Variants in TEAD4 observed in about 807,000 individuals in gnomAD.
TEAD4 encodes transcriptional enhancer factor TEF-3.
In TEAD4, 36 loss-of-function variants were observed where a neutral mutation model predicts 52.4. The observed-to-expected ratio is 0.69, with a 90% CI of 0.53 to 0.91. The LOEUF is 0.91. Ranked by LOEUF, TEAD4 falls within the 40% of genes least tolerant of loss-of-function variation. The probability of loss-of-function intolerance (pLI) is 0.00; values close to 1 mark genes in which losing one functional copy is unlikely to be tolerated. For synonymous variants in TEAD4, 220 were observed against 231.0 expected (o/e 0.95, Z 0.43); for missense variants, 508 against 583.9 (o/e 0.87, Z 1.34).
chr12:2,974,301 C>T (rs771616353), intron 2 of TEAD4, among the ~76,000 whole-genome samples: 10 of 152,228 alleles, frequency 6.6e-5, no homozygotes, highest in Non-Finnish European at 1.5e-4. Flanking sequence ...CCGTGCCCGG[C>T]CAGCTTTGAG....
rs968238558 is a variant in TEAD4 at position 2,977,893 on chromosome 12, C to T, written c.-29-16845C>T. ...CTGAGAAGGGCCCTTTTTTGGCCTC[C>T]GGCAGGCCCTGGCCCTTCCGAAATC... On this transcript the variant is annotated intron_variant, in intron 2 of 12. Coordinates refer to ENST00000359864, the MANE Select transcript of TEAD4 (RefSeq NM_003213.4). 8.5e-5 allele frequency among the ~76,000 whole-genome samples: 13 copies of T among 152,156 alleles called. No homozygotes were observed. The East Asian group carries it at 2.3e-3, about 27-fold the overall frequency.
intron 3 of TEAD4, among the ~76,000 whole-genome samples, chr12:2,998,007 C>T (rs950742706): frequency 1.3e-5 from 2 of 152,162 alleles, no homozygotes; most frequent in Non-Finnish European, 2.9e-5. Context: ...CCATCCTCCC[C>T]GCCCTCCAGC....
At chr12:3,003,899 G>A (rs955505634) in intron 3 of TEAD4, among the ~76,000 whole-genome samples, 1 of 152,214 alleles carries the variant, frequency 6.6e-6, no homozygotes, top group Admixed American at 6.5e-5. Flanking sequence ...ACAAGGACAA[G>A]GACAAGCCCC....
chr12:3,021,598 G>A (rs1056126206), intron 9 of TEAD4, among the ~76,000 whole-genome samples: 5 of 152,142 alleles, frequency 3.3e-5, no homozygotes, highest in Non-Finnish European at 5.9e-5. Flanking sequence ...GGTGTGAGCC[G>A]CCGCACCCGG....
intron 2 of TEAD4, among the ~76,000 whole-genome samples, chr12:2,992,574 C>T (rs1591570915): frequency 6.6e-6 from 1 of 152,098 alleles, no homozygotes; most frequent in African/African-American, 2.4e-5. Flanking sequence ...TCTGGGAGGT[C>T]CCACTTCAGA....
intron 11 of TEAD4, among the ~76,000 whole-genome samples, chr12:3,039,823 G>C (rs1027703278): frequency 6.6e-6 from 1 of 152,156 alleles, no homozygotes; most frequent in African/African-American, 2.4e-5. Flanking sequence ...GAGTAGCTGG[G>C]ATTACAGGCA....
chr12:2,980,294 G>A (rs2098233094), intron 2 of TEAD4, among the ~76,000 whole-genome samples: 1 of 152,138 alleles, frequency 6.6e-6, no homozygotes, highest in Non-Finnish European at 1.5e-5. Flanking sequence ...AAGAGACCAA[G>A]AGGTCTTCGT....
intron 2 of TEAD4, among the ~76,000 whole-genome samples, chr12:2,980,701 C>A (rs1165231994): frequency 6.6e-6 from 1 of 151,802 alleles, no homozygotes; most frequent in Non-Finnish European, 1.5e-5. Flanking sequence ...CCACTGTACT[C>A]CAGCCTGGGT....
At chr12:3,021,220 C>T (rs963687780) in intron 9 of TEAD4, among the ~76,000 whole-genome samples, 1 of 152,034 alleles carries the variant, frequency 6.6e-6, no homozygotes, top group Non-Finnish European at 1.5e-5. Flanking sequence ...GGGTGACCAG[C>T]GTCACCTGCA....
At chr12:2,986,809 T>A (rs887817689) in intron 2 of TEAD4, among the ~76,000 whole-genome samples, 2 of 152,194 alleles carry the variant, frequency 1.3e-5, no homozygotes, top group Non-Finnish European at 1.5e-5. Flanking sequence ...CAAGTAGGTT[T>A]GTTTTACACC....
At chr12:2,996,872 C>A (rs562007862) in intron 3 of TEAD4, among the ~76,000 whole-genome samples, 1 of 152,212 alleles carries the variant, frequency 6.6e-6, no homozygotes, top group African/African-American at 2.4e-5. Context: ...TGCGCCACCA[C>A]GCTCGGCTGA....
intron 10 of TEAD4, among the ~76,000 whole-genome samples, chr12:3,025,858 A>G (rs1006565276): frequency 3.9e-5 from 6 of 152,164 alleles, no homozygotes; most frequent in Admixed American, 1.3e-4. Flanking sequence ...TTCGAGGATC[A>G]TTCTTTAGTG....
chr12:3,040,607 G>A lies in TEAD4; in HGVS notation c.*129G>A, dbSNP rs896535686. Reference sequence around the variant, plus strand: ...GAGGAGCAGTTGTGACTCTACCCAGGAACAAACTGTGCCTGAACCTGAGGT... The same window carrying A: ...GAGGAGCAGTTGTGACTCTACCCAGAAACAAACTGTGCCTGAACCTGAGGT... On this transcript the variant is annotated 3_prime_UTR_variant, in exon 13 of 13. Transcript: ENST00000359864. 5.0e-6 allele frequency: 4 copies of A among 793,800 alleles called. No individual in the cohort carries two copies. In the Admixed American group the frequency reaches 9.6e-5, roughly 19 times the overall value. 49.2% of individuals were successfully genotyped at this position (793,800 alleles called of 1,614,324 possible).
rs1029261574 is a variant in TEAD4, at chr12:3,018,728, G to A, written c.527+140G>A. ...GCCTTTCAGGATGGCTCTGAGCTCA[G>A]GGATTGGGCTCTTCTACTGTCAGCC... is the stretch of plus-strand genomic sequence containing the variant. On this transcript the variant is annotated intron_variant, in intron 7 of 12. Transcript: ENST00000359864. 1.9e-5 allele frequency: 19 copies of A among 1,014,056 alleles called. No homozygotes were observed. The African/African-American group carries it at 2.4e-4, about 13-fold the overall frequency. 62.8% of individuals were successfully genotyped at this position (1,014,056 alleles called of 1,614,324 possible). A position where few individuals can be genotyped will look rare whatever the true frequency, so the allele number is the denominator to read the frequency against.
At chr12:2,988,931 C>T (rs554747677) in intron 2 of TEAD4, among the ~76,000 whole-genome samples, 2 of 152,324 alleles carry the variant, frequency 1.3e-5, no homozygotes, top group African/African-American at 4.8e-5. Context: ...GTGCCTTGCC[C>T]TATGCGTCTC....
intron 3 of TEAD4, among the ~76,000 whole-genome samples, chr12:3,005,597 A>C (rs10128784): frequency 2.6e-5 from 4 of 151,832 alleles, no homozygotes; most frequent in Non-Finnish European, 4.4e-5. Context: ...CCTGGGTTCA[A>C]GCCATTCTCC....
At chr12:3,013,402 C>T (rs774718031) in intron 5 of TEAD4, among the ~76,000 whole-genome samples, 1 of 152,034 alleles carries the variant, frequency 6.6e-6, no homozygotes, top group East Asian at 1.9e-4. Flanking sequence ...CCTTTCCCAC[C>T]CCATGGAACT....
chr12:3,030,418 C>T (rs1230701666), intron 10 of TEAD4, among the ~76,000 whole-genome samples: 1 of 152,128 alleles, frequency 6.6e-6, no homozygotes, highest in Admixed American at 6.5e-5. Flanking sequence ...TTGTCAGTTC[C>T]TGGGGACAAA....
chr12:2,998,244 G>A (rs1042748206), intron 3 of TEAD4, among the ~76,000 whole-genome samples: 1 of 152,034 alleles, frequency 6.6e-6, no homozygotes, highest in Non-Finnish European at 1.5e-5. Flanking sequence ...TTCATCTGCC[G>A]ACAGACATTT....
Sources: allele counts gnomAD v4.1 joint callset (sites outside exome capture counted in the v4.1 genomes callset), GRCh38; gene constraint gnomAD v4.1.1; transcripts MANE v1.5; gene names NCBI Gene and HGNC (gene_info 2026-07-23, HGNC 2026-07-21).